PACRG: variants seen among roughly 807,000 people sequenced by gnomAD.
PACRG encodes the protein parkin coregulated.
A neutral mutation model predicts 29.7 loss-of-function variants in PACRG; 29 were observed. The ratio of observed to expected loss-of-function variants is 0.98; its 90% CI spans 0.73 to 1.33. The LOEUF (loss-of-function observed/expected upper bound fraction) is 1.33, where lower values mean the gene tolerates loss of function less well. PACRG is among the 40% of genes most tolerant of loss of function. The probability of loss-of-function intolerance (pLI) is 0.00; values close to 1 mark genes in which losing one functional copy is unlikely to be tolerated. For synonymous variants in PACRG, 116 were observed against 118.7 expected (o/e 0.98, Z 0.15); for missense variants, 279 against 316.2 (o/e 0.88, Z 0.89).
chr6:162,976,638 T>G (rs1477098282), intron 2 of PACRG, among the ~76,000 whole-genome samples: 1 of 152,298 alleles, frequency 6.6e-6, no homozygotes, highest in East Asian at 1.9e-4. Context: ...CCACTGAAAT[T>G]TGGAACGAGG....
At chr6:163,021,213 G>A (rs1482944331) in intron 2 of PACRG, among the ~76,000 whole-genome samples, 3 of 152,140 alleles carry the variant, frequency 2.0e-5, no homozygotes, top group Non-Finnish European at 4.4e-5. Flanking sequence ...AAAGCTCAGT[G>A]TGTCCATGAT....
At chr6:163,046,335 G>GTACCCTTCA (rs924313364) in intron 2 of PACRG, among the ~76,000 whole-genome samples, 1 of 149,388 alleles carries the variant, frequency 6.7e-6, no homozygotes, top group Non-Finnish European at 1.5e-5. Flanking sequence ...GCCTTGGTAT[G>GTACCCTTCA]TACCCTTCAT....
chr6:162,917,573 A>G (rs1221954886), intron 2 of PACRG, among the ~76,000 whole-genome samples: 3 of 152,218 alleles, frequency 2.0e-5, no homozygotes, highest in Admixed American at 2.0e-4. Flanking sequence ...GTAGCCAGAT[A>G]TAATTTTAAA....
intron 3 of PACRG, among the ~76,000 whole-genome samples, chr6:163,066,180 G>A (rs182437653): frequency 1.1e-4 from 16 of 152,276 alleles, no homozygotes; most frequent in Admixed American, 1.0e-3. Flanking sequence ...TCCTTCAAAC[G>A]TCTGGACAGG....
chr6:163,065,553 C>G (rs1185316699), intron 3 of PACRG, among the ~76,000 whole-genome samples: 1 of 152,154 alleles, frequency 6.6e-6, no homozygotes, highest in South Asian at 2.1e-4. Flanking sequence ...AGTAGCAACA[C>G]TGCAGCCACA....
intron 2 of PACRG, among the ~76,000 whole-genome samples, chr6:162,958,629 A>T (rs1362887213): frequency 1.3e-5 from 2 of 151,756 alleles, no homozygotes; most frequent in Non-Finnish European, 2.9e-5. Context: ...TTGGACATTG[A>T]CTTGACACTA....
At chr6:162,861,845 G>C (rs1054028514) in intron 2 of PACRG, among the ~76,000 whole-genome samples, 1 of 152,018 alleles carries the variant, frequency 6.6e-6, no homozygotes, top group African/African-American at 2.4e-5. Flanking sequence ...TCTTCCATTG[G>C]TGTTCATAGT....
intron 1 of PACRG, among the ~76,000 whole-genome samples, chr6:162,760,440 A>G (rs1283287775): frequency 6.6e-6 from 1 of 152,178 alleles, no homozygotes; most frequent in African/African-American, 2.4e-5. Context: ...TTTAAGGAGC[A>G]TTGTGAGAGG....
chr6:162,920,690 C>A (rs970794412), intron 2 of PACRG, among the ~76,000 whole-genome samples: 2 of 152,264 alleles, frequency 1.3e-5, no homozygotes, highest in African/African-American at 4.8e-5. Flanking sequence ...AAGTACAGTT[C>A]TCTGAGCAAT....
intron 2 of PACRG, among the ~76,000 whole-genome samples, chr6:163,029,770 G>A (rs1408365654): frequency 1.3e-5 from 2 of 152,168 alleles, no homozygotes; most frequent in African/African-American, 4.8e-5. Flanking sequence ...GAATGTCTCG[G>A]AGCAGAGGGT....
chr6:162,950,936 A>G (rs1447540045), intron 2 of PACRG, among the ~76,000 whole-genome samples: 1 of 152,234 alleles, frequency 6.6e-6, no homozygotes, highest in Non-Finnish European at 1.5e-5. Flanking sequence ...GGACTGCAGT[A>G]CAGCTTTTAA....
chr6:162,745,470 C>T (rs1780919069), intron 1 of PACRG, among the ~76,000 whole-genome samples: 1 of 152,114 alleles, frequency 6.6e-6, no homozygotes, highest in Non-Finnish European at 1.5e-5. Context: ...TTGATAGGTG[C>T]AGCAAATCAC....
At chr6:163,131,873 G>A (rs138512465) in intron 4 of PACRG, among the ~76,000 whole-genome samples, 21 of 152,220 alleles carry the variant, frequency 1.4e-4, no homozygotes, top group Middle Eastern at 3.4e-3. Flanking sequence ...CATAAAATGC[G>A]TTCAATAGGC....
At chr6:163,194,592 T>C (rs1337984195) in intron 4 of PACRG, among the ~76,000 whole-genome samples, 2 of 152,138 alleles carry the variant, frequency 1.3e-5, no homozygotes, top group East Asian at 1.9e-4. Context: ...TGGGACTAGA[T>C]AGGGTGCAGC....
At chr6:162,971,623 T>C (rs1372595765) in intron 2 of PACRG, among the ~76,000 whole-genome samples, 1 of 152,182 alleles carries the variant, frequency 6.6e-6, no homozygotes, top group Admixed American at 6.5e-5. Context: ...CCAAATTCCA[T>C]GGGGTAAATA....
At chr6:163,050,895 T>C (rs1809935339) in intron 2 of PACRG, among the ~76,000 whole-genome samples, 1 of 152,208 alleles carries the variant, frequency 6.6e-6, no homozygotes. Context: ...TACATCTTTC[T>C]TAATTATGAA....
intron 2 of PACRG, among the ~76,000 whole-genome samples, chr6:162,835,437 T>C (rs1167622647): frequency 6.6e-6 from 1 of 152,140 alleles, no homozygotes; most frequent in African/African-American, 2.4e-5. Flanking sequence ...CTTGAGTCAT[T>C]GGAACATGCT....
chr6:162,749,559 C>T (rs145694884), intron 1 of PACRG, among the ~76,000 whole-genome samples: 3,355 of 152,130 alleles, frequency 0.022, 151 homozygotes, highest in African/African-American at 0.077. Flanking sequence ...CTTGCTCTGT[C>T]GCCCAGGCTG....
chr6:162,764,061 G>T (rs1003924581), intron 1 of PACRG, among the ~76,000 whole-genome samples: 3 of 152,136 alleles, frequency 2.0e-5, no homozygotes, highest in African/African-American at 7.2e-5. Flanking sequence ...AGATCACGAG[G>T]TCAGGAGATC....
Sources: gnomAD v4.1 joint callset for allele counts (sites outside exome capture counted in the v4.1 genomes callset) on GRCh38, gnomAD v4.1.1 for gene constraint, MANE v1.5 for transcripts, NCBI Gene and HGNC (gene_info 2026-07-23, HGNC 2026-07-21) for gene names.